Variants in ALK observed in about 807,000 individuals in gnomAD.
The protein encoded by ALK is ALK tyrosine kinase receptor.
ALK carries 74 observed loss-of-function variants against 163.1 expected under a neutral mutation model. That is an observed-to-expected ratio of 0.45 (90% CI 0.38 to 0.55). The LOEUF is 0.55. ALK is among the 20% of genes least tolerant of loss of function. The probability of loss-of-function intolerance (pLI) is 0.00; values close to 1 mark genes in which losing one functional copy is unlikely to be tolerated. For missense variants in ALK, 2,063 were observed against 2,105.3 expected (o/e 0.98, Z 0.39); for synonymous variants, 960 against 843.2 (o/e 1.14, Z -2.40).
rs1415263384 is a variant in ALK, at chr2:29,227,685, CCAGAG to C, written c.2816-18_2816-14del. The stretch of plus-strand genomic sequence containing the variant: ...GCTGCATTGCCGCCTGAGTAGCAAA[CCAGAG>C]CAGAGTTTAACATGGGGGGTGGGTG... On this transcript the variant is annotated splice_polypyrimidine_tract_variant and intron_variant, in intron 16 of 28. Coordinates refer to ENST00000389048, the MANE Select transcript of ALK (RefSeq NM_004304.5). The surrounding 1 kb of genome is among the most constrained non-coding windows in gnomAD (Gnocchi z 4.4). 11 of 1,610,986 alleles carry C rather than the reference CCAGAG, an allele frequency of 6.8e-6. No homozygotes were observed. Among genetic ancestry groups the C allele is most frequent in the Non-Finnish European group, 9.3e-6 (11 of 1,177,786 alleles).
At chr2:29,210,490 T>C (rs548224973) in intron 24 of ALK, among the ~76,000 whole-genome samples, 1 of 152,322 alleles carries the variant, frequency 6.6e-6, no homozygotes, top group East Asian at 1.9e-4. Context: ...TGGAGTGCAG[T>C]GGTGCGATCT....
chr2:29,507,617 G>T (rs953216566), intron 4 of ALK, among the ~76,000 whole-genome samples: 1 of 152,200 alleles, frequency 6.6e-6, no homozygotes, highest in African/African-American at 2.4e-5. Context: ...CAAATCAGGA[G>T]GAGCAGGGTT....
Position 29,214,071 on chromosome 2 carries a change from G to A in ALK, c.3656C>T (p.Ser1219Phe), listed in dbSNP as rs752728718. 8.1e-6 allele frequency: 13 copies of A among 1,614,052 alleles called. No homozygotes were observed. In the South Asian group the frequency reaches 1.2e-4, roughly 15 times the overall value. ...CAGAAGGTCCAGCATGGCCAGGGAG[G>A]AGGGCTGGCTCTGTGGGGAGACAGA... ...RETRPRPSQP[S>F]SLAMLDLLHV... Residue 1219 changes from serine (S) to phenylalanine (F), a missense_variant, in exon 24 of 29, where the codon TCC becomes TTC. This residue lies in a region of ALK where 575 missense variants were observed against 626.6 expected (regional missense o/e 0.92). Coordinates refer to ENST00000389048, the MANE Select transcript of ALK (RefSeq NM_004304.5).
chr2:29,893,302 T>C (rs1012812849), intron 1 of ALK, among the ~76,000 whole-genome samples: 2 of 152,188 alleles, frequency 1.3e-5, no homozygotes. Context: ...GATAAGCCCA[T>C]CTGCTTCTGA....
chr2:29,577,755 C>T (rs552588725), intron 3 of ALK, among the ~76,000 whole-genome samples: 3 of 152,216 alleles, frequency 2.0e-5, no homozygotes, highest in Non-Finnish European at 4.4e-5. Context: ...AAAGCACATG[C>T]TTGGTGAATC....
In ALK at chr2:29,251,022, C is replaced by T. The variant is rs1360296308; in HGVS notation, c.2204+83G>A. On this transcript the variant is annotated intron_variant, in intron 12 of 28. Transcript: ENST00000389048. The stretch of plus-strand genomic sequence containing the variant: ...TGAACCTTGACATGCCTGGGCACCC[C>T]AGGAACATGCACCCATAGGCAAGAC... The T allele has an allele frequency of 4.1e-6, 6 of 1,455,850 alleles. No homozygotes were observed. The African/African-American group carries it at 8.4e-5, about 20-fold the overall frequency. The allele number at this position is 1,455,850 out of a possible 1,614,324, so 90.2% of individuals were successfully genotyped here. A position where few individuals can be genotyped will look rare whatever the true frequency, so the allele number is the denominator to read the frequency against.
chr2:29,681,582 G>A (rs564435864), intron 3 of ALK, among the ~76,000 whole-genome samples: 2 of 152,234 alleles, frequency 1.3e-5, no homozygotes, highest in African/African-American at 2.4e-5. Flanking sequence ...ATACACAACC[G>A]TAGGATTGGC....
chr2:29,599,566 C>T (rs1463309091), intron 3 of ALK, among the ~76,000 whole-genome samples: 2 of 152,148 alleles, frequency 1.3e-5, no homozygotes, highest in Non-Finnish European at 2.9e-5. Context: ...GCCTGCAGTA[C>T]AATGCAGATT....
At chr2:29,805,292 T>A (rs1278219261) in intron 1 of ALK, among the ~76,000 whole-genome samples, 3 of 152,176 alleles carry the variant, frequency 2.0e-5, no homozygotes, top group Non-Finnish European at 4.4e-5. Flanking sequence ...AGCACTATTT[T>A]AAAAAATATT....
intron 1 of ALK, among the ~76,000 whole-genome samples, chr2:29,779,918 G>A (rs1230334415): frequency 2.0e-5 from 3 of 152,154 alleles, no homozygotes; most frequent in Admixed American, 1.3e-4. Flanking sequence ...TATAGGCAAA[G>A]GGAACAAATG....
intron 4 of ALK, among the ~76,000 whole-genome samples, chr2:29,454,357 T>C (rs751348892): frequency 1.3e-5 from 2 of 152,190 alleles, no homozygotes; most frequent in Admixed American, 6.5e-5. Context: ...CTTTAAATCA[T>C]CTCCAGATTA....
rs112109918 is a variant in ALK at position 29,444,792 on chromosome 2, C to T, written c.1155-60933G>A. Among the ~76,000 whole-genome samples, 857 of 152,266 alleles carry T rather than the reference C, an allele frequency of 5.6e-3. 6 individuals are homozygous for T. Among genetic ancestry groups the T allele is most frequent in the African/African-American group, 5.1e-3 (213 of 41,562 alleles). The stretch of plus-strand genomic sequence containing the variant: ...CTGTGGCCCTAGGCACTGTGCATTC[C>T]TCTTTCTCATGAATAAGTCGGCCCT... On this transcript the variant is annotated intron_variant, in intron 4 of 28. Transcript: ENST00000389048.
chr2:29,752,402 T>C (rs1680394027), intron 1 of ALK, among the ~76,000 whole-genome samples: 1 of 145,482 alleles, frequency 6.9e-6, no homozygotes, highest in South Asian at 2.2e-4. Context: ...CAGGCTGGAG[T>C]GCAGTGGCGC....
intron 3 of ALK, among the ~76,000 whole-genome samples, chr2:29,582,946 T>C (rs1466220357): frequency 6.8e-6 from 1 of 148,004 alleles, no homozygotes; most frequent in Non-Finnish European, 1.5e-5. Flanking sequence ...CACTGCAACC[T>C]CCACCTCCTG....
Position 29,228,944 on chromosome 2 carries a change from C to CCCCGGGG in ALK, c.2754_2755insCCCCGGG (p.Gly919ProfsTer31). ...CCCCCTCCACCCCCTCCGAAACCCC[C>CCCCGGGG]TCTTGTCTCCCACCCCCACTTCTTC... On this transcript the variant is annotated frameshift_variant, in exon 16 of 29. Coordinates refer to ENST00000389048, the MANE Select transcript of ALK (RefSeq NM_004304.5). LOFTEE classifies it high-confidence loss of function. 1 of 1,580,810 alleles carries CCCCGGGG rather than the reference C, an allele frequency of 6.3e-7. No individual in the cohort carries two copies. The highest frequency in any genetic ancestry group is 8.7e-7 in the Non-Finnish European group (1 of 1,150,198).
At position 29,911,777 on chromosome 2, in the gene ALK, A is replaced by G. The variant is rs899386161; in HGVS notation, c.667+8216T>C. Among the ~76,000 whole-genome samples, 3 of 152,244 alleles carry G rather than the reference A, an allele frequency of 2.0e-5. No individual in the cohort carries two copies. The South Asian group carries it at 6.2e-4, about 32-fold the overall frequency. ...AATTACTCAACATAAAAGAAAAAAA[A>G]TGACTAATTCTTAAGAGGAAAGATA... is the stretch of plus-strand genomic sequence containing the variant. On this transcript the variant is annotated intron_variant, in intron 1 of 28. Coordinates refer to ENST00000389048, the MANE Select transcript of ALK (RefSeq NM_004304.5).
At chr2:29,239,000 T>C (rs551250658) in intron 13 of ALK, among the ~76,000 whole-genome samples, 1 of 152,308 alleles carries the variant, frequency 6.6e-6, no homozygotes, top group Non-Finnish European at 1.5e-5. Flanking sequence ...CCCGTGAAAA[T>C]TATAGCAGCC....
At chr2:29,860,968 C>T (rs1322884081) in intron 1 of ALK, among the ~76,000 whole-genome samples, 9 of 151,962 alleles carry the variant, frequency 5.9e-5, no homozygotes, top group Non-Finnish European at 1.3e-4. Context: ...CCCAGGAGTT[C>T]GAGACCAACC....
chr2:29,321,164 A>G (rs941072981), intron 6 of ALK, among the ~76,000 whole-genome samples: 10 of 152,248 alleles, frequency 6.6e-5, no homozygotes, highest in Admixed American at 3.3e-4. Flanking sequence ...TATCTGACAA[A>G]GCAGAGGCTC....
Sources: gnomAD v4.1 joint callset for allele counts (sites outside exome capture counted in the v4.1 genomes callset) on GRCh38, gnomAD v4.1.1 for gene constraint, gnomAD v4.1.1 regional missense constraint, Gnocchi (gnomAD v3.1) non-coding constraint, MANE v1.5 for transcripts, NCBI Gene and HGNC (gene_info 2026-07-23, HGNC 2026-07-21) for gene names.